Variants in PCDH7 observed in about 807,000 individuals in gnomAD.
PCDH7 encodes protocadherin 7.
A neutral mutation model predicts 58.9 loss-of-function variants in PCDH7; 17 were observed. The ratio of observed to expected loss-of-function variants is 0.29; its 90% CI spans 0.20 to 0.43. The LOEUF (loss-of-function observed/expected upper bound fraction) is 0.43, where lower values mean the gene tolerates loss of function less well. Ranked by LOEUF, PCDH7 falls within the 20% of genes least tolerant of loss-of-function variation. The probability of loss-of-function intolerance (pLI) is 1.00; values close to 1 mark genes in which losing one functional copy is unlikely to be tolerated. For missense variants in PCDH7, 1,274 were observed against 1,441.0 expected, an observed-to-expected ratio of 0.88 and a Z score of 1.88; for synonymous variants, 664 against 616.4, an observed-to-expected ratio of 1.08 and a Z score of -1.14.
At chr4:31,084,017 C>A (rs1034353938) in intron 3 of PCDH7, among the ~76,000 whole-genome samples, 2 of 151,986 alleles carry the variant, frequency 1.3e-5, no homozygotes, top group Non-Finnish European at 2.9e-5. Context: ...ATACTTTTGC[C>A]ATTTAGCCTA....
Position 31,097,642 on chromosome 4 carries a change from C to CAATA in PCDH7, c.*8-44831_*8-44830insAATA, listed in dbSNP as rs1714322834. On this transcript the variant is annotated intron_variant, in intron 3 of 3. Transcript: ENST00000509759. Reference sequence around the variant, plus strand: ...TATATATATATATATATATATAAATCTTTTTTCTGTAATTTCTGTAATTTC... The same window carrying CAATA: ...TATATATATATATATATATATAAATCAATATTTTTTCTGTAATTTCTGTAATTTC... Among the ~76,000 whole-genome samples, 2 of 43,208 alleles carry CAATA rather than the reference C, an allele frequency of 4.6e-5. 1 individual carries two copies. Among genetic ancestry groups the CAATA allele is most frequent in the Non-Finnish European group, 9.2e-5 (2 of 21,756 alleles). 28.3% of individuals were successfully genotyped at this position (43,208 alleles called of 152,430 possible).
At chr4:30,835,691 T>A (rs574217249) in intron 1 of PCDH7, among the ~76,000 whole-genome samples, 37 of 152,222 alleles carry the variant, frequency 2.4e-4, no homozygotes, top group Middle Eastern at 3.4e-3. Flanking sequence ...AACATGTAAC[T>A]TTGGGCCGCT....
At chr4:31,075,059 C>T (rs1392840344) in intron 3 of PCDH7, among the ~76,000 whole-genome samples, 1 of 152,002 alleles carries the variant, frequency 6.6e-6, no homozygotes, top group Admixed American at 6.6e-5. Context: ...ATTGTCTGGA[C>T]CTCACCCTTT....
intron 3 of PCDH7, among the ~76,000 whole-genome samples, chr4:31,105,560 T>G (rs1715449606): frequency 6.6e-6 from 1 of 152,154 alleles, no homozygotes; most frequent in Non-Finnish European, 1.5e-5. Flanking sequence ...ATCAGCAATA[T>G]CACTGAAATG....
chr4:30,771,823 A>G (rs533020579), intron 1 of PCDH7, among the ~76,000 whole-genome samples: 10 of 152,154 alleles, frequency 6.6e-5, no homozygotes, highest in Non-Finnish European at 5.9e-5. Flanking sequence ...AGGTAACGTA[A>G]AGTGATAGAA....
intron 3 of PCDH7, among the ~76,000 whole-genome samples, chr4:30,956,767 A>C (rs1198786156): frequency 2.0e-5 from 3 of 152,196 alleles, no homozygotes; most frequent in African/African-American, 7.2e-5. Context: ...CTCAATTCAG[A>C]GTAACCAAAT....
chr4:31,114,055 A>G (rs1322359129), intron 3 of PCDH7, among the ~76,000 whole-genome samples: 1 of 152,044 alleles, frequency 6.6e-6, no homozygotes, highest in East Asian at 1.9e-4. Context: ...GCTGGTCTTG[A>G]AATCCTGACC....
chr4:30,973,560 T>C (rs1749788555), intron 3 of PCDH7, among the ~76,000 whole-genome samples: 1 of 152,146 alleles, frequency 6.6e-6, no homozygotes, highest in African/African-American at 2.4e-5. Context: ...AGCCAAGCAT[T>C]AAGATTACTG....
intron 1 of PCDH7, among the ~76,000 whole-genome samples, chr4:30,813,139 A>G (rs1198720057): frequency 6.6e-6 from 1 of 152,196 alleles, no homozygotes; most frequent in Non-Finnish European, 1.5e-5. Context: ...TCAGAACTAA[A>G]GAATACCAGC....
chr4:31,048,281 T>A (rs1756448960), intron 3 of PCDH7, among the ~76,000 whole-genome samples: 1 of 152,088 alleles, frequency 6.6e-6, no homozygotes, highest in Admixed American at 6.6e-5. Context: ...TTTATGGCTC[T>A]ACTCAGTCCT....
chr4:30,896,973 C>T (rs1229248275), intron 1 of PCDH7, among the ~76,000 whole-genome samples: 1 of 126,996 alleles, frequency 7.9e-6, no homozygotes, highest in Non-Finnish European at 1.6e-5. Context: ...GGCAGGATCT[C>T]GGCTCACTGC....
At chr4:31,137,745 CA>C (rs1250464775) in intron 3 of PCDH7, among the ~76,000 whole-genome samples, 12 of 152,254 alleles carry the variant, frequency 7.9e-5, no homozygotes, top group African/African-American at 9.6e-5. Context: ...GTTGACTTAA[CA>C]ATCCGTTTAT....
chr4:31,049,321 G>A (rs889910839), intron 3 of PCDH7, among the ~76,000 whole-genome samples: 1 of 152,038 alleles, frequency 6.6e-6, no homozygotes, highest in Non-Finnish European at 1.5e-5. Flanking sequence ...AATTGTGAGT[G>A]TTATAGGTAA....
At chr4:30,828,022 A>G (rs1194551211) in intron 1 of PCDH7, among the ~76,000 whole-genome samples, 2 of 152,132 alleles carry the variant, frequency 1.3e-5, no homozygotes, top group African/African-American at 4.8e-5. Context: ...TGCCTCATCT[A>G]TAAAATGAGG....
intron 3 of PCDH7, among the ~76,000 whole-genome samples, chr4:31,072,533 C>A: frequency 6.6e-6 from 1 of 152,008 alleles, no homozygotes; most frequent in South Asian, 2.1e-4. Context: ...ATAAAAGCTT[C>A]TTGGAGGAGT....
intron 1 of PCDH7, among the ~76,000 whole-genome samples, chr4:30,749,606 T>C (rs1718241259): frequency 1.3e-5 from 2 of 152,168 alleles, no homozygotes; most frequent in Non-Finnish European, 2.9e-5. Flanking sequence ...ACAATATGCC[T>C]GCAACACTGC....
chr4:31,021,299 A>G (rs967912230), intron 3 of PCDH7, among the ~76,000 whole-genome samples: 7 of 152,164 alleles, frequency 4.6e-5, no homozygotes, highest in Non-Finnish European at 1.0e-4. Flanking sequence ...GGTTATAACT[A>G]CCAGAAACTA....
At chr4:30,832,397 T>C (rs1022442299) in intron 1 of PCDH7, among the ~76,000 whole-genome samples, 2 of 152,176 alleles carry the variant, frequency 1.3e-5, no homozygotes, top group African/African-American at 4.8e-5. Context: ...AAACTAAATA[T>C]CTTGTAAGCA....
intron 1 of PCDH7, among the ~76,000 whole-genome samples, chr4:30,797,071 G>T (rs945790844): frequency 6.6e-6 from 1 of 150,886 alleles, no homozygotes; most frequent in African/African-American, 2.4e-5. Context: ...AGCAATTCTC[G>T]TGCTTCAGCC....
Sources: allele counts gnomAD v4.1 joint callset (sites outside exome capture counted in the v4.1 genomes callset), GRCh38; gene constraint gnomAD v4.1.1; transcripts MANE v1.5; gene names NCBI Gene and HGNC (gene_info 2026-07-23, HGNC 2026-07-21).